SLC4A10: variants seen among roughly 807,000 people sequenced by gnomAD.
SLC4A10 encodes the protein sodium-driven chloride bicarbonate exchanger.
SLC4A10 carries 42 observed loss-of-function variants against 137.7 expected under a neutral mutation model. The ratio of observed to expected loss-of-function variants is 0.30; its 90% CI spans 0.24 to 0.39. The LOEUF (loss-of-function observed/expected upper bound fraction) is 0.39. Among genes scored for constraint, SLC4A10 ranks in the 10% least tolerant of loss-of-function variants. The pLI is 1.00. For missense variants in SLC4A10, 925 were observed against 1,355.0 expected, an observed-to-expected ratio of 0.68 and a Z score of 4.98; for synonymous variants, 474 against 464.1, an observed-to-expected ratio of 1.02 and a Z score of -0.27.
intron 1 of SLC4A10, among the ~76,000 whole-genome samples, chr2:161,753,481 T>C (rs2049219394): frequency 6.6e-6 from 1 of 152,196 alleles, no homozygotes; most frequent in Admixed American, 6.6e-5. Context: ...AAATTCTGCT[T>C]CTCCACTTAC....
At chr2:161,899,272 A>G (rs1338556546) in intron 11 of SLC4A10, among the ~76,000 whole-genome samples, 4 of 151,992 alleles carry the variant, frequency 2.6e-5, no homozygotes, top group Admixed American at 6.6e-5. Context: ...AAATTTACCA[A>G]TCTTAAATAA....
intron 1 of SLC4A10, among the ~76,000 whole-genome samples, chr2:161,727,989 A>C (rs1048064656): frequency 6.6e-6 from 1 of 152,168 alleles, no homozygotes; most frequent in Admixed American, 6.5e-5. Context: ...CTCTGAGAAA[A>C]AGAACTGACA....
At chr2:161,730,307 A>G (rs990721448) in intron 1 of SLC4A10, among the ~76,000 whole-genome samples, 2 of 152,182 alleles carry the variant, frequency 1.3e-5, no homozygotes, top group African/African-American at 4.8e-5. Context: ...AATTAGTTAT[A>G]CAGCTTCAGA....
chr2:161,883,586 A>G (rs1478126225), intron 10 of SLC4A10, among the ~76,000 whole-genome samples: 2 of 152,154 alleles, frequency 1.3e-5, no homozygotes, highest in East Asian at 3.9e-4. Flanking sequence ...GTTTAAAATG[A>G]CAGTAGTTTG....
chr2:161,915,072 C>T (rs1686813952), intron 15 of SLC4A10, among the ~76,000 whole-genome samples: 1 of 152,090 alleles, frequency 6.6e-6, no homozygotes, highest in South Asian at 2.1e-4. Context: ...CACCCAACAC[C>T]TTATCCTGTG....
chr2:161,861,967 T>C (rs776765582), intron 5 of SLC4A10, among the ~76,000 whole-genome samples: 12 of 152,336 alleles, frequency 7.9e-5, no homozygotes, highest in Non-Finnish European at 1.5e-4. Flanking sequence ...AGGCAGCTCA[T>C]TGTAATCTGC....
At chr2:161,767,011 C>T (rs2050881558) in intron 1 of SLC4A10, among the ~76,000 whole-genome samples, 2 of 145,204 alleles carry the variant, frequency 1.4e-5, no homozygotes, top group African/African-American at 5.0e-5. Flanking sequence ...TGAAATGTAT[C>T]TATAATCCTT....
intron 3 of SLC4A10, among the ~76,000 whole-genome samples, chr2:161,809,047 C>T (rs909669740): frequency 3.9e-5 from 6 of 152,148 alleles, no homozygotes; most frequent in Non-Finnish European, 8.8e-5. Context: ...TATAAGCATT[C>T]CGTTTTCTCT....
chr2:161,710,546 T>C (rs1390728986), intron 1 of SLC4A10: 1 of 228,240 alleles, frequency 4.4e-6, no homozygotes, highest in Admixed American at 4.8e-5. Flanking sequence ...TTTCAAAATA[T>C]ACTACAATAA....
intron 1 of SLC4A10, among the ~76,000 whole-genome samples, chr2:161,770,721 A>T (rs1199684415): frequency 6.6e-6 from 1 of 152,002 alleles, no homozygotes; most frequent in East Asian, 1.9e-4. Flanking sequence ...TCACTGACAA[A>T]TGGTGCCAAC....
intron 1 of SLC4A10, among the ~76,000 whole-genome samples, chr2:161,635,968 A>G (rs952703635): frequency 2.0e-5 from 3 of 152,148 alleles, no homozygotes; most frequent in Admixed American, 6.5e-5. Context: ...TAAAGCATCA[A>G]TGATTTCACC....
chr2:161,974,233 A>G lies in SLC4A10; in HGVS notation c.3160-16A>G. On this transcript the variant is annotated splice_polypyrimidine_tract_variant and intron_variant, in intron 23 of 26. Coordinates refer to ENST00000446997, the MANE Select transcript of SLC4A10 (RefSeq NM_001178015.2). ...TCATCAGGTTCACTTTATATACTTTACATTTGTCTTTTCAGGAAGAACAAA... is the reference window on the plus strand; with the variant it reads ...TCATCAGGTTCACTTTATATACTTTGCATTTGTCTTTTCAGGAAGAACAAA... 6.3e-7 allele frequency: 1 copy of G among 1,589,240 alleles called. No homozygotes were observed. Among genetic ancestry groups the G allele is most frequent in the African/African-American group, 1.3e-5 (1 of 74,460 alleles).
chr2:161,673,417 G>T (rs2039948924), intron 1 of SLC4A10, among the ~76,000 whole-genome samples: 1 of 152,146 alleles, frequency 6.6e-6, no homozygotes, highest in African/African-American at 2.4e-5. Context: ...TTAAAAAAGA[G>T]AAGTTAGCAT....
chr2:161,878,249 C>T (rs72881053), intron 8 of SLC4A10, among the ~76,000 whole-genome samples: 9,228 of 152,110 alleles, frequency 0.061, 367 homozygotes, highest in East Asian at 0.13. Context: ...TAAATTCTTA[C>T]TCCCCTAAAA....
intron 1 of SLC4A10, among the ~76,000 whole-genome samples, chr2:161,644,224 T>C (rs940689372): frequency 6.6e-6 from 1 of 152,120 alleles, no homozygotes; most frequent in African/African-American, 2.4e-5. Context: ...CGACTGGGCA[T>C]AGTTGCTCAC....
Position 161,855,149 on chromosome 2 carries a change from A to G in SLC4A10, c.577+19A>G, listed in dbSNP as rs772248039. 14 of 1,593,236 alleles carry G rather than the reference A, an allele frequency of 8.8e-6. No homozygotes were observed. Among genetic ancestry groups the G allele is most frequent in the South Asian group, 1.1e-5 (1 of 87,190 alleles). ...ATTGCAGGTATATCTTTTCCCCCTTAGTGTATTTTATAGGTACAGCTAATT... is the reference window on the plus strand; with the variant it reads ...ATTGCAGGTATATCTTTTCCCCCTTGGTGTATTTTATAGGTACAGCTAATT... On this transcript the variant is annotated intron_variant, in intron 5 of 26. Transcript: ENST00000446997.
chr2:161,830,559 A>C (rs556524314), intron 3 of SLC4A10, among the ~76,000 whole-genome samples: 156 of 152,040 alleles, frequency 1.0e-3, no homozygotes, highest in Non-Finnish European at 1.4e-3. Context: ...TTTAAAAAAA[A>C]CCCAGAAACA....
intron 3 of SLC4A10, among the ~76,000 whole-genome samples, chr2:161,820,328 G>C (rs761366519): frequency 2.6e-5 from 4 of 152,140 alleles, no homozygotes; most frequent in Non-Finnish European, 5.9e-5. Context: ...TTATTGTAAA[G>C]TATAAGACAA....
chr2:161,747,170 A>G (rs1315213662), intron 1 of SLC4A10, among the ~76,000 whole-genome samples: 1 of 152,060 alleles, frequency 6.6e-6, no homozygotes, highest in African/African-American at 2.4e-5. Flanking sequence ...CTGCCTTTCC[A>G]GTTTATTTAG....
Sources: allele counts gnomAD v4.1 joint callset (sites outside exome capture counted in the v4.1 genomes callset), GRCh38; gene constraint gnomAD v4.1.1; transcripts MANE v1.5; gene names NCBI Gene and HGNC (gene_info 2026-07-23, HGNC 2026-07-21).